Variants in CCDC171 observed in about 807,000 individuals in gnomAD.
CCDC171 encodes the protein coiled-coil domain-containing protein 171.
A neutral mutation model predicts 168.2 loss-of-function variants in CCDC171; 177 were observed. The observed-to-expected ratio is 1.05, with a 90% confidence interval of 0.93 to 1.19. The LOEUF is 1.19. Ranked by LOEUF, CCDC171 falls within the 50% of genes most tolerant of loss-of-function variation. CCDC171 has a pLI of 0.00. For synonymous variants in CCDC171, 687 were observed against 540.8 expected (o/e 1.27, Z -3.75); for missense variants, 1,991 against 1,539.0 (o/e 1.29, Z -4.91).
rs1320815093 is a variant in CCDC171, at chr9:15,819,815, G to T, written c.3268-26887G>T. Among the ~76,000 whole-genome samples the T allele has an allele frequency of 3.4e-5, 4 of 116,684 alleles. 1 individual carries two copies. The highest frequency in any genetic ancestry group is 7.7e-5 in the Non-Finnish European group (4 of 52,208). The allele number at this position is 116,684 out of a possible 152,430, so 76.5% of individuals were successfully genotyped here. On this transcript the variant is annotated intron_variant, in intron 21 of 25. Coordinates refer to ENST00000380701, the MANE Select transcript of CCDC171 (RefSeq NM_173550.4). Reference sequence around the variant, plus strand: ...AAGTTAACAAGGATATCCAGGAATTGAACTCAGCTCTGCACGAAGAGGACC... The same window carrying T: ...AAGTTAACAAGGATATCCAGGAATTTAACTCAGCTCTGCACGAAGAGGACC...
chr9:16,090,080 A>C, the CCDC171 span, among the ~76,000 whole-genome samples: 1 of 152,248 alleles, frequency 6.6e-6, no homozygotes, highest in Admixed American at 6.5e-5. Flanking sequence ...GTATATACCC[A>C]AAGGATTATA....
intron 3 of CCDC171, among the ~76,000 whole-genome samples, chr9:15,983,798 G>T (rs1831884100): frequency 7.8e-6 from 1 of 128,174 alleles, no homozygotes; most frequent in South Asian, 2.8e-4. Flanking sequence ...AGGTAGGGAG[G>T]CAAGAGCTAA....
chr9:15,691,431 A>C (rs2050768188), intron 10 of CCDC171, among the ~76,000 whole-genome samples: 1 of 150,008 alleles, frequency 6.7e-6, no homozygotes, highest in Non-Finnish European at 1.5e-5. Context: ...TGAGAATTGA[A>C]TTACCTTTTA....
At chr9:15,597,269 A>G (rs2042445005) in intron 6 of CCDC171, among the ~76,000 whole-genome samples, 1 of 152,028 alleles carries the variant, frequency 6.6e-6, no homozygotes, top group Non-Finnish European at 1.5e-5. Flanking sequence ...TCAGTATGAT[A>G]TTGGCTGTGG....
At chr9:15,697,000 C>T (rs1013758919) in intron 11 of CCDC171, among the ~76,000 whole-genome samples, 1 of 152,194 alleles carries the variant, frequency 6.6e-6, no homozygotes, top group Admixed American at 6.5e-5. Flanking sequence ...ACACCCTTCT[C>T]CCCTTGCTGA....
chr9:15,829,740 C>A (rs1030941942), intron 21 of CCDC171, among the ~76,000 whole-genome samples: 1 of 151,940 alleles, frequency 6.6e-6, no homozygotes, highest in Non-Finnish European at 1.5e-5. Context: ...GACAACATGG[C>A]AAATCCCCAT....
At chr9:15,678,134 C>T (rs905851467) in intron 9 of CCDC171, among the ~76,000 whole-genome samples, 2 of 151,134 alleles carry the variant, frequency 1.3e-5, no homozygotes, top group African/African-American at 2.4e-5. Flanking sequence ...TGGTCTTAAA[C>T]TCCTGACTTC....
At chr9:15,731,217 C>T (rs137987309) in intron 16 of CCDC171, among the ~76,000 whole-genome samples, 2 of 152,168 alleles carry the variant, frequency 1.3e-5, no homozygotes, top group Non-Finnish European at 2.9e-5. Flanking sequence ...CTCTCCATCC[C>T]TTTCCTCCCC....
chr9:15,570,126 C>T (rs529128940), intron 2 of CCDC171, among the ~76,000 whole-genome samples: 3 of 152,128 alleles, frequency 2.0e-5, no homozygotes, highest in Non-Finnish European at 2.9e-5. Context: ...TGAGCCACCA[C>T]ATCCAGCTAA....
At chr9:16,105,864 A>G in the CCDC171 span, among the ~76,000 whole-genome samples, 3 of 152,206 alleles carry the variant, frequency 2.0e-5, no homozygotes, top group Non-Finnish European at 4.4e-5. Flanking sequence ...ATGAGTTTGT[A>G]TATATTATAA....
the CCDC171 span, among the ~76,000 whole-genome samples, chr9:16,107,343 C>T: frequency 6.6e-5 from 10 of 152,246 alleles, no homozygotes; most frequent in East Asian, 1.9e-3. Flanking sequence ...CCCAAATATA[C>T]TCTATATCTG....
chr9:15,666,293 A>T lies in CCDC171; in HGVS notation c.1046A>T (p.Asn349Ile), dbSNP rs753868017. Residue 349 changes from asparagine (N) to isoleucine (I), a missense_variant, in exon 9 of 26, where the codon AAT becomes ATT. By Grantham distance (149) the Asn-to-Ile change is moderately radical. Coordinates refer to ENST00000380701, the MANE Select transcript of CCDC171 (RefSeq NM_173550.4). ...AGTGCATATGAGCGAGAAAAGCATA[A>T]TGCACAAGAGAGCTTTGCAAAACTA... ...VESAYEREKH[N>I]AQESFAKLNL... The T allele has an allele frequency of 3.1e-6, 5 of 1,613,294 alleles. No individual in the cohort carries two copies. The highest frequency in any genetic ancestry group is 4.2e-6 in the Non-Finnish European group (5 of 1,179,570).
chr9:15,899,721 T>A (rs1420118760), intron 24 of CCDC171, among the ~76,000 whole-genome samples: 4 of 152,222 alleles, frequency 2.6e-5, no homozygotes, highest in Non-Finnish European at 5.9e-5. Context: ...AATTGTCTTT[T>A]TACTGTTGAG....
At chr9:16,019,194 C>CAGAGGAGG (rs1476021168) in intron 3 of CCDC171, among the ~76,000 whole-genome samples, 1 of 152,146 alleles carries the variant, frequency 6.6e-6, no homozygotes, top group Admixed American at 6.5e-5. Context: ...GAACCCTGAC[C>CAGAGGAGG]TCTTCTCTCC....
intron 21 of CCDC171, among the ~76,000 whole-genome samples, chr9:15,832,294 C>G (rs1754539780): frequency 6.6e-6 from 1 of 152,116 alleles, no homozygotes; most frequent in South Asian, 2.1e-4. Flanking sequence ...CTTTGTGTGC[C>G]TTCCTTAAAT....
chr9:15,564,030 C>T lies in CCDC171; in HGVS notation c.-59C>T. ...AGACATCTTGGGCAATTTTAATCAT[C>T]AAGAAAGAAATATGTCATTAAGAAA... is the stretch of plus-strand genomic sequence containing the variant. On this transcript the variant is annotated 5_prime_UTR_variant, in exon 2 of 26. Coordinates refer to ENST00000380701, the MANE Select transcript of CCDC171 (RefSeq NM_173550.4). 2 of 1,385,850 alleles carry T rather than the reference C, an allele frequency of 1.4e-6. No individual in the cohort carries two copies. Among genetic ancestry groups the T allele is most frequent in the South Asian group, 2.4e-5 (2 of 82,462 alleles). 85.8% of individuals were successfully genotyped at this position (1,385,850 alleles called of 1,614,324 possible). A position where few individuals can be genotyped will look rare whatever the true frequency, so the allele number is the denominator to read the frequency against.
At position 15,724,804 on chromosome 9, in the gene CCDC171, ATAAAGAGTT is replaced by A; in HGVS notation, c.1521_1529del (p.Asn507_Leu510delinsLys). ...CTTCAGGATAAACTGGCTGATGTTA[ATAAAGAGTT>A]AAGTCATTTACACACTAAATGTGCA... On this transcript the variant is annotated inframe_deletion, in exon 14 of 26. Coordinates refer to ENST00000380701, the MANE Select transcript of CCDC171 (RefSeq NM_173550.4). 1.9e-6 allele frequency: 3 copies of A among 1,613,696 alleles called. No individual in the cohort carries two copies. The highest frequency in any genetic ancestry group is 2.5e-6 in the Non-Finnish European group (3 of 1,179,698).
intron 7 of CCDC171, among the ~76,000 whole-genome samples, chr9:15,634,650 A>T (rs1353150097): frequency 6.6e-6 from 1 of 152,174 alleles, no homozygotes; most frequent in South Asian, 2.1e-4. Flanking sequence ...CACTTTATAG[A>T]GATGTAATTT....
chr9:15,944,994 T>A (rs1479511995), intron 25 of CCDC171, among the ~76,000 whole-genome samples: 10 of 152,028 alleles, frequency 6.6e-5, no homozygotes, highest in Non-Finnish European at 1.0e-4. Context: ...ACTCGTCATC[T>A]AGCATTAGGT....
Sources: allele counts gnomAD v4.1 joint callset (sites outside exome capture counted in the v4.1 genomes callset), GRCh38; gene constraint gnomAD v4.1.1; transcripts MANE v1.5; gene names NCBI Gene and HGNC (gene_info 2026-07-23, HGNC 2026-07-21).